Variants in FAAH observed in about 807,000 individuals in gnomAD.
FAAH encodes fatty-acid amide hydrolase 1.
A neutral mutation model predicts 69.7 loss-of-function variants in FAAH; 63 were observed. The ratio of observed to expected loss-of-function variants is 0.90; its 90% CI spans 0.74 to 1.12. The LOEUF is 1.12. Among genes scored for constraint, FAAH ranks in the 50% most tolerant of loss-of-function variants. FAAH has a pLI of 0.00. For synonymous variants in FAAH, 305 were observed against 324.2 expected, an observed-to-expected ratio of 0.94 and a Z score of 0.64; for missense variants, 680 against 755.0, an observed-to-expected ratio of 0.90 and a Z score of 1.16.
chr1:46,413,022 G>C (rs1664944532), intron 13 of FAAH, 53 bp from the exon 14 acceptor site: 1 of 1,610,322 alleles, frequency 6.2e-7, no homozygotes, highest in Admixed American at 1.7e-5. Flanking sequence ...CAGGCCCGGA[G>C]TTGGCACTGA....
rs368235427 is a variant in FAAH at position 46,406,309 on chromosome 1, C to A, written c.892C>A (p.Leu298Met). The change falls in exon 7 of 15, where the codon CTG becomes ATG. Residue 298 changes from leucine to methionine, a missense_variant. By Grantham distance (15) the Leu-to-Met change is conservative (BLOSUM62 2). Transcript: ENST00000243167. Reference protein sequence around the residue: ...ESLALCLRALLCEDMFRLDPT... With the variant: ...ESLALCLRALMCEDMFRLDPT... ...CCTGGCACTGTGCCTGCGAGCCCTG[C>A]TGTGTGAGGACATGTTCCGCTTGGA... The A allele has an allele frequency of 1.2e-5, 19 of 1,613,778 alleles. No individual in the cohort carries two copies. Among genetic ancestry groups the A allele is most frequent in the Non-Finnish European group, 1.6e-5 (19 of 1,179,848 alleles).
Position 46,409,211 on chromosome 1 carries a change from G to A in FAAH, c.1175+13G>A, listed in dbSNP as rs955099405. On this transcript the variant is annotated intron_variant, in intron 9 of 14. Transcript: ENST00000243167. ...TCCTACAGAACTTGTGAGTGATAGTGGGCTTTGGGGTCTTGGTGGGATCAG... is the reference window on the plus strand; with the variant it reads ...TCCTACAGAACTTGTGAGTGATAGTAGGCTTTGGGGTCTTGGTGGGATCAG... The A allele has an allele frequency of 2.5e-6, 4 of 1,603,576 alleles. No individual in the cohort carries two copies. In the African/African-American group the frequency reaches 4.0e-5, roughly 16 times the overall value.
Position 46,407,995 on chromosome 1 carries a change from A to G in FAAH, c.952-464A>G, listed in dbSNP as rs192666499. 3.1e-3 allele frequency among the ~76,000 whole-genome samples: 476 copies of G among 152,184 alleles called. 1 individual carries two copies. The highest frequency in any genetic ancestry group is 0.011 in the African/African-American group (463 of 41,534). ...GGGTGAACTCCCCCTCCCCAGGCAG[A>G]GGGAGATATTCTAACCGAACCCACG... On this transcript the variant is annotated intron_variant, in intron 7 of 14. Coordinates refer to ENST00000243167, the MANE Select transcript of FAAH (RefSeq NM_001441.3).
rs751433145 is a variant in FAAH, at chr1:46,411,642, C to T, written c.1347C>T (p.His449=). Residue 449 remains histidine, a synonymous_variant, in exon 12 of 15, where the codon CAC becomes CAT. Coordinates refer to ENST00000243167, the MANE Select transcript of FAAH (RefSeq NM_001441.3). This position sits in a 1 kb window ranked among gnomAD's most constrained non-coding sequence, Gnocchi z 4.8. The part of the protein sequence containing the change: ...RSAGKLWELQ[H]EIEVYRKTVI... The stretch of plus-strand genomic sequence containing the variant: ...CTGGAAAACTCTGGGAACTGCAGCA[C>T]GAGATCGAGGTGAGGCCAGAGCCTC... 16 of 1,613,534 alleles carry T rather than the reference C, an allele frequency of 9.9e-6. No homozygotes were observed. The highest frequency in any genetic ancestry group is 3.3e-4 in the Middle Eastern group (2 of 6,084).
Position 46,405,191 on chromosome 1 carries a change from C to G in FAAH, c.444+43C>G. 2.5e-6 allele frequency: 4 copies of G among 1,613,424 alleles called. No homozygotes were observed. The highest frequency in any genetic ancestry group is 3.4e-6 in the Non-Finnish European group (4 of 1,180,042). Reference sequence around the variant, plus strand: ...GCCAGGCCTCCATCGTCCCCTCCATCCCTGCCAGCCTGCTCTGCATCTTGG... The same window carrying G: ...GCCAGGCCTCCATCGTCCCCTCCATGCCTGCCAGCCTGCTCTGCATCTTGG... On this transcript the variant is annotated intron_variant, in intron 3 of 14. Transcript: ENST00000243167. The surrounding 1 kb of genome is among the most constrained non-coding windows in gnomAD (Gnocchi z 4.1).
In FAAH at chr1:46,396,671, C is replaced by T. The variant is rs1317189938; in HGVS notation, c.195+2128C>T. Among the ~76,000 whole-genome samples, 3 of 152,352 alleles carry T rather than the reference C, an allele frequency of 2.0e-5. No homozygotes were observed. In the East Asian group the frequency reaches 5.8e-4, roughly 29 times the overall value. ...CACATCCTGCACAGCCCTAATTAAA[C>T]CTTGAGTCAACACAGCACATGTTTC... On this transcript the variant is annotated intron_variant, in intron 1 of 14. Transcript: ENST00000243167.
intron 2 of FAAH, among the ~76,000 whole-genome samples, chr1:46,403,899 G>A (rs780789182): frequency 5.3e-4 from 81 of 152,226 alleles, no homozygotes; most frequent in African/African-American, 1.8e-3. Flanking sequence ...TGCATTTCAC[G>A]TAATAAATGC....
rs1012448036 is a variant in FAAH, at chr1:46,411,213, G to A, written c.1316+359G>A. ...AGAGATCTGAGCTGACCTGAGCTGC[G>A]CCAGGCCCTACTTGCCCCTTAGTGG... On this transcript the variant is annotated intron_variant, in intron 11 of 14. Coordinates refer to ENST00000243167, the MANE Select transcript of FAAH (RefSeq NM_001441.3). The surrounding 1 kb of genome is among the most constrained non-coding windows in gnomAD (Gnocchi z 4.8). Among the ~76,000 whole-genome samples the A allele has an allele frequency of 7.2e-5, 11 of 152,172 alleles. No homozygotes were observed.
chr1:46,410,713 G>A lies in FAAH; in HGVS notation c.1276-101G>A. 1 of 1,449,278 alleles carries A rather than the reference G, an allele frequency of 6.9e-7. No individual in the cohort carries two copies. Among genetic ancestry groups the A allele is most frequent in the Non-Finnish European group, 9.7e-7 (1 of 1,029,682 alleles). The allele number at this position is 1,449,278 out of a possible 1,614,324, so 89.8% of individuals were successfully genotyped here. A position where few individuals can be genotyped will look rare whatever the true frequency, so the allele number is the denominator to read the frequency against. On this transcript the variant is annotated intron_variant, in intron 10 of 14. Transcript: ENST00000243167. The surrounding 1 kb of genome is among the most constrained non-coding windows in gnomAD (Gnocchi z 4.9). The stretch of plus-strand genomic sequence containing the variant: ...AGGGGTGCCGACCTGGGCCCTGGGG[G>A]GAGGCATGGAGGGAGGGGTCCCCAG...
chr1:46,401,528 T>G (rs1664703648), intron 1 of FAAH, among the ~76,000 whole-genome samples: 1 of 152,088 alleles, frequency 6.6e-6, no homozygotes, highest in Admixed American at 6.5e-5. Context: ...CTGCTAGAGG[T>G]TGGCAACCCC....
At chr1:46,402,287 G>C in intron 2 of FAAH, 83 bp downstream of exon 2, 3 of 1,203,200 alleles carry the variant, frequency 2.5e-6, no homozygotes, top group Non-Finnish European at 1.2e-6. Context: ...CCCTCTGTCC[G>C]CACAGGCTGT....
intron 2 of FAAH, among the ~76,000 whole-genome samples, chr1:46,402,956 G>C (rs1412337015): frequency 6.6e-6 from 1 of 152,098 alleles, no homozygotes; most frequent in Admixed American, 6.5e-5. Context: ...GTCTCCCAAA[G>C]TGCTGGGGTT....
Position 46,413,495 on chromosome 1 carries a change from C to T in FAAH, c.1660C>T (p.Leu554=), listed in dbSNP as rs1664954486. The change falls in exon 15 of 15, where the codon CTG becomes TTG. Residue 554 remains leucine (L), a synonymous_variant. Transcript: ENST00000243167. ...GCCGGTGGCCGTGCAGTGTGTGGCT[C>T]TGCCCTGGCAAGAAGAGTTGTGTCT... The part of the protein sequence containing the change: ...GLPVAVQCVA[L]PWQEELCLRF... The T allele has an allele frequency of 6.2e-7, 1 of 1,614,096 alleles. No homozygotes were observed. Among genetic ancestry groups the T allele is most frequent in the Non-Finnish European group, 8.5e-7 (1 of 1,180,010 alleles).
At chr1:46,409,779 TC>T (rs1664872530) in intron 9 of FAAH, among the ~76,000 whole-genome samples, 1 of 152,104 alleles carries the variant, frequency 6.6e-6, no homozygotes, top group Non-Finnish European at 1.5e-5. Flanking sequence ...CTGGAACCCT[TC>T]AGAACACAGT....
chr1:46,401,472 A>C (rs1664703150), intron 1 of FAAH, among the ~76,000 whole-genome samples: 1 of 152,132 alleles, frequency 6.6e-6, no homozygotes, highest in Admixed American at 6.5e-5. Context: ...GCCTTCAGTC[A>C]CAGACCCAGC....
chr1:46,412,208 G>A lies in FAAH; in HGVS notation c.1422G>A (p.Met474Ile). The A allele has an allele frequency of 6.4e-7, 1 of 1,559,554 alleles. No individual in the cohort carries two copies. Residue 474 changes from methionine (M) to isoleucine (I), a missense_variant, in exon 13 of 15, where the codon ATG becomes ATA. Physicochemically the swap from Met to Ile is conservative, Grantham distance 10. Coordinates refer to ENST00000243167, the MANE Select transcript of FAAH (RefSeq NM_001441.3). ...ACCTGGATGTGGTGCTGACCCCCAT[G>A]CTGGCCCCTGCTCTGGACTTGAATG... ...ALDLDVVLTP[M>I]LAPALDLNAP... is the part of the protein sequence containing the mutation.
At chr1:46,395,441 GC>G (rs922499325) in intron 1 of FAAH, among the ~76,000 whole-genome samples, 5 of 152,192 alleles carry the variant, frequency 3.3e-5, no homozygotes, top group Non-Finnish European at 5.9e-5. Flanking sequence ...TTTTCTCCCT[GC>G]GCTGCCTTTG....
At chr1:46,412,981 C>T in intron 13 of FAAH, 94 bp from the exon 14 acceptor site, 3 of 1,456,160 alleles carry the variant, frequency 2.1e-6, no homozygotes, top group East Asian at 4.9e-5. Context: ...TGGCTGTAGA[C>T]ACAGGGTGCC....
chr1:46,406,723 TC>T (rs1664805255), intron 7 of FAAH, among the ~76,000 whole-genome samples: 1 of 151,340 alleles, frequency 6.6e-6, no homozygotes, highest in African/African-American at 2.4e-5. Context: ...TGCCTCAGCC[TC>T]CCGAGTAGCT....
Sources: allele counts gnomAD v4.1 joint callset (sites outside exome capture counted in the v4.1 genomes callset), GRCh38; gene constraint gnomAD v4.1.1; non-coding constraint Gnocchi (gnomAD v3.1); transcripts MANE v1.5; gene names NCBI Gene and HGNC (gene_info 2026-07-23, HGNC 2026-07-21).